Variants in NKAIN3 observed in about 807,000 individuals in gnomAD.
NKAIN3 encodes the protein sodium/potassium transporting ATPase interacting 3, also known as sodium/potassium-transporting ATPase subunit beta-1-interacting protein 3.
NKAIN3 carries 25 observed loss-of-function variants against 30.2 expected under a neutral mutation model. That is an observed-to-expected ratio of 0.83 (90% CI 0.60 to 1.16). The LOEUF is 1.16. Among genes scored for constraint, NKAIN3 ranks in the 50% most tolerant of loss-of-function variants. The pLI is 0.00. For synonymous variants in NKAIN3, 91 were observed against 89.6 expected (o/e 1.02, Z -0.09); for missense variants, 225 against 254.1 (o/e 0.89, Z 0.78).
intron 1 of NKAIN3, among the ~76,000 whole-genome samples, chr8:62,402,300 ACT>A (rs2129595314): frequency 6.6e-6 from 1 of 152,052 alleles, no homozygotes; most frequent in East Asian, 1.9e-4. Context: ...CAGGCCTGGA[ACT>A]CTCTTTTCAG....
intron 4 of NKAIN3, among the ~76,000 whole-genome samples, chr8:62,802,943 A>C (rs1818122626): frequency 6.6e-6 from 1 of 152,188 alleles, no homozygotes; most frequent in African/African-American, 2.4e-5. Flanking sequence ...ATGGAAAACA[A>C]AAAAAGGCAG....
intron 4 of NKAIN3, among the ~76,000 whole-genome samples, chr8:62,836,220 G>T (rs1269771676): frequency 6.6e-6 from 1 of 151,878 alleles, no homozygotes; most frequent in East Asian, 1.9e-4. Context: ...CCTATTTATT[G>T]CTCTCCTCAC....
intron 1 of NKAIN3, among the ~76,000 whole-genome samples, chr8:62,485,387 C>T (rs1431327435): frequency 1.3e-5 from 2 of 152,128 alleles, no homozygotes; most frequent in Non-Finnish European, 2.9e-5. Context: ...TGGAAAAGAA[C>T]ATTTTTATAG....
Position 62,672,699 on chromosome 8 carries a change from A to G in NKAIN3, c.274-74233A>G, listed in dbSNP as rs1241878899. On this transcript the variant is annotated intron_variant, in intron 3 of 6. Coordinates refer to ENST00000623646, the MANE Select transcript of NKAIN3 (RefSeq NM_001304533.3). ...ATTGTCTCCCCCATTCCTAGGCTTT[A>G]TGGCTGCTAATACCTTTTCCTGAAT... Among the ~76,000 whole-genome samples the G allele has an allele frequency of 2.0e-5, 3 of 152,268 alleles. No homozygotes were observed. The East Asian group carries it at 5.8e-4, about 29-fold the overall frequency.
At chr8:62,841,238 T>C (rs531497700) in intron 4 of NKAIN3, among the ~76,000 whole-genome samples, 22 of 152,262 alleles carry the variant, frequency 1.4e-4, no homozygotes, top group Middle Eastern at 3.4e-3. Flanking sequence ...CAATGTGATG[T>C]TTTCATATAT....
At chr8:62,565,155 G>T (rs1809710825) in intron 1 of NKAIN3, among the ~76,000 whole-genome samples, 1 of 151,804 alleles carries the variant, frequency 6.6e-6, no homozygotes, top group African/African-American at 2.4e-5. Flanking sequence ...ATACATCTTG[G>T]ATATACACTA....
chr8:62,929,930 C>T (rs1822567477), intron 5 of NKAIN3, among the ~76,000 whole-genome samples: 1 of 152,054 alleles, frequency 6.6e-6, no homozygotes, highest in African/African-American at 2.4e-5. Context: ...CAATGTGTCC[C>T]AGGGAAGCCA....
intron 4 of NKAIN3, among the ~76,000 whole-genome samples, chr8:62,796,283 T>C (rs1042910352): frequency 7.0e-6 from 1 of 142,606 alleles, no homozygotes; most frequent in Non-Finnish European, 1.5e-5. Flanking sequence ...ACTCCAGAGG[T>C]TGGGACAGGA....
intron 1 of NKAIN3, among the ~76,000 whole-genome samples, chr8:62,418,842 G>A (rs772694053): frequency 7.9e-5 from 12 of 152,088 alleles, no homozygotes; most frequent in East Asian, 1.9e-4. Flanking sequence ...TACTGCAACC[G>A]CTTTATTTGC....
intron 3 of NKAIN3, among the ~76,000 whole-genome samples, chr8:62,698,176 A>G (rs1814223982): frequency 6.6e-6 from 1 of 152,222 alleles, no homozygotes; most frequent in Admixed American, 6.5e-5. Context: ...AGTTCCCACT[A>G]TTTACAAACA....
chr8:62,849,177 G>A (rs1307898089), intron 4 of NKAIN3, among the ~76,000 whole-genome samples: 1 of 151,660 alleles, frequency 6.6e-6, no homozygotes, highest in African/African-American at 2.4e-5. Flanking sequence ...TGGCCTCATA[G>A]AATAAGTTAG....
chr8:62,996,024 T>A (rs898349426), intron 5 of NKAIN3, among the ~76,000 whole-genome samples: 3 of 152,220 alleles, frequency 2.0e-5, no homozygotes, highest in Non-Finnish European at 4.4e-5. Flanking sequence ...ACCTTCTATT[T>A]AACATGATAA....
rs1032597508 is a variant in NKAIN3 at position 62,301,737 on chromosome 8, G to A, written c.54+52610G>A. ...ACAAATAGGTTTCTGAAATAGAACC[G>A]GTTTCCCAGAAATATTTTCTTGTAT... On this transcript the variant is annotated intron_variant, in intron 1 of 6. Coordinates refer to ENST00000623646, the MANE Select transcript of NKAIN3 (RefSeq NM_001304533.3). Among the ~76,000 whole-genome samples, 8 of 151,936 alleles carry A rather than the reference G, an allele frequency of 5.3e-5. No homozygotes were observed. In the South Asian group the frequency reaches 8.3e-4, roughly 16 times the overall value.
chr8:62,616,141 T>G (rs948076938), intron 3 of NKAIN3, among the ~76,000 whole-genome samples: 7 of 152,212 alleles, frequency 4.6e-5, no homozygotes, highest in African/African-American at 1.2e-4. Flanking sequence ...TTTTGTGGGT[T>G]TTTGCTTTTT....
At chr8:62,940,336 A>G (rs752441251) in intron 5 of NKAIN3, among the ~76,000 whole-genome samples, 1 of 152,144 alleles carries the variant, frequency 6.6e-6, no homozygotes, top group African/African-American at 2.4e-5. Context: ...TCAATACTCC[A>G]TGGACAGCAC....
intron 1 of NKAIN3, among the ~76,000 whole-genome samples, chr8:62,408,049 A>G (rs949233173): frequency 6.6e-6 from 1 of 152,140 alleles, no homozygotes; most frequent in Non-Finnish European, 1.5e-5. Context: ...TATGTTACAG[A>G]GTGAGACCCC....
chr8:62,638,071 A>C (rs1343121508), intron 3 of NKAIN3, among the ~76,000 whole-genome samples: 4 of 152,214 alleles, frequency 2.6e-5, no homozygotes, highest in African/African-American at 9.6e-5. Flanking sequence ...AAATATGTAA[A>C]ATCTTGGAAA....
chr8:62,851,060 T>G (rs1819879311), intron 4 of NKAIN3, among the ~76,000 whole-genome samples: 1 of 152,070 alleles, frequency 6.6e-6, no homozygotes, highest in Non-Finnish European at 1.5e-5. Context: ...ATGGCCATTT[T>G]CACAATATTG....
At chr8:62,936,427 G>A (rs1822792233) in intron 5 of NKAIN3, among the ~76,000 whole-genome samples, 1 of 152,078 alleles carries the variant, frequency 6.6e-6, no homozygotes, top group Non-Finnish European at 1.5e-5. Flanking sequence ...CCAACTTCCT[G>A]AGCATCAGAA....
Sources: allele counts gnomAD v4.1 joint callset (sites outside exome capture counted in the v4.1 genomes callset), GRCh38; gene constraint gnomAD v4.1.1; transcripts MANE v1.5; gene names NCBI Gene and HGNC (gene_info 2026-07-23, HGNC 2026-07-21).